The following NUGGC variants were observed in gnomAD, a reference collection of about 807,000 sequenced individuals.
The protein encoded by NUGGC is nuclear GTPase, germinal center associated, also known as nuclear GTPase SLIP-GC.
In NUGGC, 58 loss-of-function variants were observed where a neutral mutation model predicts 92.6. That is an observed-to-expected ratio of 0.63 (90% CI 0.51 to 0.78). NUGGC has a LOEUF of 0.78. Among genes scored for constraint, NUGGC ranks in the 30% least tolerant of loss-of-function variants. The pLI is 0.00. For missense variants in NUGGC, 925 were observed against 964.6 expected, an observed-to-expected ratio of 0.96 and a Z score of 0.54; for synonymous variants, 376 against 366.4, an observed-to-expected ratio of 1.03 and a Z score of -0.30.
chr8:28,046,826 T>A (rs3943493), intron 11 of NUGGC, among the ~76,000 whole-genome samples: 1 of 150,156 alleles, frequency 6.7e-6, no homozygotes, highest in Non-Finnish European at 1.5e-5. Context: ...CACCACCACG[T>A]CCGGCTAATT....
At chr8:28,033,750 G>T in intron 13 of NUGGC, 53 bp from the exon 14 acceptor site, 1 of 1,514,732 alleles carries the variant, frequency 6.6e-7, no homozygotes, top group South Asian at 1.1e-5. Context: ...GAAGGTCACT[G>T]GATTAGAATT....
chr8:28,070,186 T>C (rs1489787441), intron 3 of NUGGC, 66 bp downstream of exon 3: 18 of 1,495,372 alleles, frequency 1.2e-5, no homozygotes, highest in South Asian at 2.6e-5. Context: ...TCCTCTTCCT[T>C]TGACCATTTT....
chr8:28,026,924 G>T, intron 18 of NUGGC, 38 bp downstream of exon 18: 2 of 1,387,060 alleles, frequency 1.4e-6, no homozygotes, highest in Non-Finnish European at 2.1e-6. Flanking sequence ...AGGGCTGTCT[G>T]CACAATCACC....
At chr8:28,062,454 A>G (rs997052835) in intron 7 of NUGGC, among the ~76,000 whole-genome samples, 29 of 147,822 alleles carry the variant, frequency 2.0e-4, no homozygotes, top group Non-Finnish European at 4.1e-4. Flanking sequence ...CATCTCTACA[A>G]AAAAAAAAAA....
chr8:28,042,508 A>G (rs1159055301), intron 12 of NUGGC, among the ~76,000 whole-genome samples: 1 of 152,180 alleles, frequency 6.6e-6, no homozygotes, highest in South Asian at 2.1e-4. Context: ...CTTCGGAGAC[A>G]AAGCTCAAAG....
chr8:28,057,649 T>C (rs1367801702), intron 9 of NUGGC, among the ~76,000 whole-genome samples: 3 of 152,160 alleles, frequency 2.0e-5, no homozygotes, highest in African/African-American at 7.2e-5. Context: ...ATGATTTTCT[T>C]AATGACATTT....
At chr8:28,055,517 C>A (rs1467567284) in intron 10 of NUGGC, among the ~76,000 whole-genome samples, 1 of 152,164 alleles carries the variant, frequency 6.6e-6, no homozygotes, top group African/African-American at 2.4e-5. Flanking sequence ...AATGGTGCCT[C>A]AGAGAGGTAA....
chr8:28,045,592 A>G lies in NUGGC; in HGVS notation c.1381T>C (p.Tyr461His). Reference protein sequence around the residue: ...LDKKKRTVTKYVTEAFGLLLL... With the variant: ...LDKKKRTVTKHVTEAFGLLLL... Reference sequence around the variant, plus strand: ...AACAGGCCAAAGGCTTCAGTCACATACTTGGTCACTGTCCTCTTCTTCTTG... The same window carrying G: ...AACAGGCCAAAGGCTTCAGTCACATGCTTGGTCACTGTCCTCTTCTTCTTG... The change falls in exon 12 of 19, where the codon TAT becomes CAT. Residue 461 changes from tyrosine (Y) to histidine (H), a missense_variant. Coordinates refer to ENST00000413272, the MANE Select transcript of NUGGC (RefSeq NM_001010906.2). The G allele has an allele frequency of 6.2e-7, 1 of 1,613,138 alleles. No individual in the cohort carries two copies. Among genetic ancestry groups the G allele is most frequent in the Non-Finnish European group, 8.5e-7 (1 of 1,179,716 alleles).
chr8:28,060,559 C>G lies in NUGGC; in HGVS notation c.964G>C (p.Glu322Gln), dbSNP rs369039725. Reference sequence around the variant, plus strand: ...TGGGCTTGCCCCCCAGAAACTCGCTCTATGTCGCTGATCACCCAGATCACT... The same window carrying G: ...TGGGCTTGCCCCCCAGAAACTCGCTGTATGTCGCTGATCACCCAGATCACT... ...CSVIWVISDI[E>Q]RVSGGQAHED... The change falls in exon 8 of 19, where the codon GAG becomes CAG. Residue 322 changes from glutamate to glutamine, a missense_variant. Transcript: ENST00000413272. The G allele has an allele frequency of 6.2e-7, 1 of 1,613,566 alleles. No homozygotes were observed.
chr8:28,071,852 C>A lies in NUGGC; in HGVS notation c.44-1496G>T, dbSNP rs74471630. ...ATGAGGTGAACCAAAAGAGTAGATC[C>A]CCAAGAATCACAGGGAGGCCATGAG... On this transcript the variant is annotated intron_variant, in intron 2 of 18. Coordinates refer to ENST00000413272, the MANE Select transcript of NUGGC (RefSeq NM_001010906.2). 7.5e-3 allele frequency among the ~76,000 whole-genome samples: 1,134 copies of A among 152,130 alleles called. 17 individuals are homozygous for A. Among genetic ancestry groups the A allele is most frequent in the African/African-American group, 0.025 (1,046 of 41,494 alleles).
At chr8:28,055,539 G>C (rs1810111134) in intron 10 of NUGGC, among the ~76,000 whole-genome samples, 1 of 152,108 alleles carries the variant, frequency 6.6e-6, no homozygotes, top group Non-Finnish European at 1.5e-5. Context: ...TGAAGCAGTA[G>C]GACTGAGTTA....
intron 4 of NUGGC, among the ~76,000 whole-genome samples, chr8:28,069,330 G>T (rs1264451599): frequency 6.6e-6 from 1 of 152,078 alleles, no homozygotes; most frequent in African/African-American, 2.4e-5. Context: ...GTGTTGGATG[G>T]GTTAAATGAT....
chr8:28,029,449 A>G (rs1809356747), intron 16 of NUGGC, 47 bp from the exon 17 acceptor site: 1 of 1,602,702 alleles, frequency 6.2e-7, no homozygotes, highest in African/African-American at 1.3e-5. Flanking sequence ...GGACCTGCTT[A>G]GAAATCTTTG....
intron 6 of NUGGC, among the ~76,000 whole-genome samples, chr8:28,065,163 T>C: frequency 7.2e-6 from 1 of 139,754 alleles, no homozygotes; most frequent in South Asian, 2.5e-4. Context: ...TTTTTTTTTT[T>C]TTTTTTTTTT....
rs1391518951 is a variant in NUGGC at position 28,064,625 on chromosome 8, T to G, written c.818A>C (p.Glu273Ala). The G allele has an allele frequency of 6.2e-7, 1 of 1,614,004 alleles. No individual in the cohort carries two copies. Among genetic ancestry groups the G allele is most frequent in the South Asian group, 1.1e-5 (1 of 91,082 alleles). The change falls in exon 7 of 19, where the codon GAA becomes GCA. Residue 273 changes from glutamate to alanine, a missense_variant. Physicochemically the swap from Glu to Ala is moderately radical, Grantham distance 107. Coordinates refer to ENST00000413272, the MANE Select transcript of NUGGC (RefSeq NM_001010906.2). ...CAGGTCGGATTTGGGAAGTGTCACT[T>G]CCACATGTTTGATCAAGGGCCAGAT... ...MRIWPLIKHV[E>A]VTLPKSDLIP...
At chr8:28,080,685 A>C (rs1167837467) in intron 1 of NUGGC, among the ~76,000 whole-genome samples, 1 of 152,224 alleles carries the variant, frequency 6.6e-6, no homozygotes, top group Non-Finnish European at 1.5e-5. Flanking sequence ...TATATATCTT[A>C]GATGGTAAGA....
At position 28,068,389 on chromosome 8, in the gene NUGGC, T is replaced by C. The variant is rs1461134011; in HGVS notation, c.307A>G (p.Ile103Val). ...GCCCCAGTGCTTCCAAATAATGCAA[T>C]GTAGATTGGGTCCACTGTCGGCTTT... ...IEKPTVDPIY[I>V]ALFGSTGAGK... is the part of the protein sequence containing the mutation. Residue 103 changes from isoleucine (I) to valine (V), a missense_variant, in exon 5 of 19, where the codon ATT (isoleucine) becomes GTT (valine). Coordinates refer to ENST00000413272, the MANE Select transcript of NUGGC (RefSeq NM_001010906.2). 4.4e-6 allele frequency: 7 copies of C among 1,583,630 alleles called. No homozygotes were observed. The highest frequency in any genetic ancestry group is 6.0e-6 in the Non-Finnish European group (7 of 1,164,128).
intron 1 of NUGGC, among the ~76,000 whole-genome samples, chr8:28,081,980 T>C (rs550180200): frequency 2.0e-5 from 3 of 152,318 alleles, no homozygotes; most frequent in South Asian, 2.1e-4. Context: ...AATGAAATGA[T>C]AGAATGTTGA....
At chr8:28,040,153 A>T (rs967989714) in intron 13 of NUGGC, among the ~76,000 whole-genome samples, 2 of 152,178 alleles carry the variant, frequency 1.3e-5, no homozygotes, top group African/African-American at 2.4e-5. Flanking sequence ...CAGGCCACCC[A>T]GTCTATAGGA....
Sources: allele counts gnomAD v4.1 joint callset (sites outside exome capture counted in the v4.1 genomes callset), GRCh38; gene constraint gnomAD v4.1.1; transcripts MANE v1.5; gene names NCBI Gene and HGNC (gene_info 2026-07-23, HGNC 2026-07-21).